Variants in PGR observed in about 807,000 individuals in gnomAD.
The protein encoded by PGR is progesterone receptor.
Under a neutral mutation model 76.1 loss-of-function variants are expected in PGR, and 25 were observed. That is an observed-to-expected ratio of 0.33 (90% confidence interval 0.24 to 0.46). The LOEUF (loss-of-function observed/expected upper bound fraction) is 0.46. PGR is among the 20% of genes least tolerant of loss of function. The probability of loss-of-function intolerance (pLI) is 1.00; values close to 1 mark genes in which losing one functional copy is unlikely to be tolerated. For synonymous variants in PGR, 579 were observed against 535.0 expected, an observed-to-expected ratio of 1.08 and a Z score of -1.14; for missense variants, 1,172 against 1,225.3, an observed-to-expected ratio of 0.96 and a Z score of 0.65.
At chr11:101,058,937 G>C (rs1475070666) in intron 4 of PGR, among the ~76,000 whole-genome samples, 1 of 152,124 alleles carries the variant, frequency 6.6e-6, no homozygotes, top group African/African-American at 2.4e-5. Flanking sequence ...CCGAGGGACT[G>C]TATGTACAAA....
chr11:101,095,826 A>AG (rs1046584877), intron 2 of PGR, among the ~76,000 whole-genome samples: 1 of 152,114 alleles, frequency 6.6e-6, no homozygotes, highest in African/African-American at 2.4e-5. Context: ...ATATAGTTAG[A>AG]TTTTTTCTAG....
chr11:101,033,161 C>T lies in PGR; in HGVS notation c.*5955G>A, dbSNP rs1046248446. The T allele has an allele frequency of 4.8e-6, 1 of 209,008 alleles. No homozygotes were observed. The highest frequency in any genetic ancestry group is 9.7e-6 in the Non-Finnish European group (1 of 102,712). 12.9% of individuals were successfully genotyped at this position (209,008 alleles called of 1,614,324 possible). ...AGAATACTAAGATCAAAAGGAGATACTTTACTGGCTAAAGTGAAGAATTCT... is the reference window on the plus strand; with the variant it reads ...AGAATACTAAGATCAAAAGGAGATATTTTACTGGCTAAAGTGAAGAATTCT... On this transcript the variant is annotated 3_prime_UTR_variant, in exon 8 of 8. Transcript: ENST00000325455.
At position 101,128,680 on chromosome 11, in the gene PGR, G is replaced by A. The variant is rs1335446824; in HGVS notation, c.391C>T (p.Pro131Ser). Residue 131 changes from proline to serine, a missense_variant, in exon 1 of 8, where the codon CCT becomes TCT. Physicochemically the swap from Pro to Ser is moderately conservative, Grantham distance 74. Transcript: ENST00000325455. ...PSGPGQSQPS[P>S]PACEVTSSWC... ...GAGCTGGTGACCTCGCAGGCGGGAG[G>A]GCTGGGTTGGCTCTGCCCGGGACCT... 2 of 1,600,380 alleles carry A rather than the reference G, an allele frequency of 1.2e-6. No individual in the cohort carries two copies. Among genetic ancestry groups the A allele is most frequent in the Non-Finnish European group, 1.7e-6 (2 of 1,174,374 alleles).
At chr11:101,070,494 G>A (rs1180386065) in intron 3 of PGR, among the ~76,000 whole-genome samples, 1 of 152,168 alleles carries the variant, frequency 6.6e-6, no homozygotes, top group African/African-American at 2.4e-5. Context: ...TCCCCTGGAA[G>A]GGGGGCTGAA....
intron 2 of PGR, among the ~76,000 whole-genome samples, chr11:101,094,632 A>C (rs780328469): frequency 6.6e-6 from 1 of 152,244 alleles, no homozygotes; most frequent in Non-Finnish European, 1.5e-5. Flanking sequence ...TATATACAAA[A>C]TACAACTAAG....
intron 2 of PGR, among the ~76,000 whole-genome samples, chr11:101,118,204 A>G (rs1862568361): frequency 6.6e-6 from 1 of 152,254 alleles, no homozygotes; most frequent in African/African-American, 2.4e-5. Flanking sequence ...CTAACTGAAC[A>G]AATCTTATCT....
intron 5 of PGR, chr11:101,051,068 T>G (rs1860071548): frequency 5.3e-6 from 1 of 188,120 alleles, no homozygotes; most frequent in Non-Finnish European, 1.1e-5. Flanking sequence ...CAGTCTAATT[T>G]GTCATGTATG....
chr11:101,093,941 T>C (rs924894629), intron 2 of PGR, among the ~76,000 whole-genome samples: 1 of 152,126 alleles, frequency 6.6e-6, no homozygotes, highest in Non-Finnish European at 1.5e-5. Flanking sequence ...TGGCCTACGA[T>C]ATCATCTCCT....
At chr11:101,060,847 G>A (rs1403715754) in intron 4 of PGR, among the ~76,000 whole-genome samples, 1 of 152,120 alleles carries the variant, frequency 6.6e-6, no homozygotes, top group African/African-American at 2.4e-5. Context: ...CAATGTAAGA[G>A]TTTTCTCTCA....
rs77310280 is a variant in PGR, at chr11:101,055,921, T to C, written c.2213-4353A>G. ...ACCAATATTTATAGCAGAAACTATA[T>C]TTCTGTTTGTTTGACAGAATGGAAT... On this transcript the variant is annotated intron_variant, in intron 4 of 7. Transcript: ENST00000325455. Among the ~76,000 whole-genome samples the C allele has an allele frequency of 8.2e-3, 1,247 of 152,362 alleles. 11 individuals are homozygous for C. The highest frequency in any genetic ancestry group is 0.029 in the African/African-American group (1,213 of 41,594).
At chr11:101,097,665 C>A (rs866054667) in intron 2 of PGR, among the ~76,000 whole-genome samples, 21 of 152,018 alleles carry the variant, frequency 1.4e-4, no homozygotes, top group East Asian at 1.9e-4. Context: ...TTTTTTACCA[C>A]CTTTTAACTT....
Position 101,128,017 on chromosome 11 carries a change from G to A in PGR, c.1054C>T (p.Pro352Ser). Reference protein sequence around the residue: ...PRSSPCASSTPVAVGDFPDCA... With the variant: ...PRSSPCASSTSVAVGDFPDCA... The stretch of plus-strand genomic sequence containing the variant: ...TCGGGGAAGTCGCCTACAGCGACCG[G>A]GGTGGACGAGGCACAGGGTGAACTC... Residue 352 changes from proline to serine, a missense_variant, in exon 1 of 8, where the codon CCG becomes TCG. Transcript: ENST00000325455. 1.2e-6 allele frequency: 2 copies of A among 1,609,496 alleles called. No individual in the cohort carries two copies. The highest frequency in any genetic ancestry group is 1.7e-6 in the Non-Finnish European group (2 of 1,179,838).
chr11:101,106,521 T>C (rs951296920), intron 2 of PGR, among the ~76,000 whole-genome samples: 3 of 152,068 alleles, frequency 2.0e-5, no homozygotes, highest in Non-Finnish European at 4.4e-5. Context: ...TAAGATACCA[T>C]CTCATGGCAG....
Position 101,128,569 on chromosome 11 carries a change from ACCGGCTCATGAGCGGGGACAACAC to A in PGR, c.478_501del (p.Val160_Arg167del), listed in dbSNP as rs1265944996. On this transcript the variant is annotated inframe_deletion, in exon 1 of 8. Transcript: ENST00000325455. Reference sequence around the variant, plus strand: ...GAGCTGTCTCCAACCTTGCACCCGGACCGGCTCATGAGCGGGGACAACACCCGCTGGGTGGCGGGGGCAGCCGGT... The same window carrying A: ...GAGCTGTCTCCAACCTTGCACCCGGACCGCTGGGTGGCGGGGGCAGCCGGT... The A allele has an allele frequency of 6.3e-7, 1 of 1,598,154 alleles. No homozygotes were observed. The highest frequency in any genetic ancestry group is 8.5e-7 in the Non-Finnish European group (1 of 1,175,254).
chr11:101,062,574 T>C lies in PGR; in HGVS notation c.2085A>G (p.Glu695=). 1.2e-6 allele frequency: 2 copies of C among 1,614,072 alleles called. No individual in the cohort carries two copies. Among genetic ancestry groups the C allele is most frequent in the Non-Finnish European group, 1.7e-6 (2 of 1,179,944 alleles). The change falls in exon 4 of 8, where the codon GAA becomes GAG. Residue 695 remains glutamate, a synonymous_variant. Coordinates refer to ENST00000325455, the MANE Select transcript of PGR (RefSeq NM_000926.4). ...CATGTCCTGCATAGATCACATCTGG[T>C]TCAATGCTCATTAACAGGTTGATCA... The part of the protein sequence containing the change: ...PPLINLLMSI[E]PDVIYAGHDN...
Position 101,091,780 on chromosome 11 carries a change from TG to T in PGR, c.1885del (p.Gln629ArgfsTer20). ...ATTACCTCCAAGGACCATGCCAGCC[TG>T]ACAGCACTTTCTAAGGCGACATGCT... is the stretch of plus-strand genomic sequence containing the variant. Reference protein sequence around the residue: ...CPACRLRKCCQAGMVLGGRKF... With the variant: ...CPACRLRKCCXAGMVLGGRKF... On this transcript the variant is annotated frameshift_variant, in exon 3 of 8. Coordinates refer to ENST00000325455, the MANE Select transcript of PGR (RefSeq NM_000926.4). LOFTEE classifies it high-confidence loss of function. The T allele has an allele frequency of 6.3e-7, 1 of 1,581,944 alleles. No individual in the cohort carries two copies. Among genetic ancestry groups the T allele is most frequent in the Non-Finnish European group, 8.7e-7 (1 of 1,150,590 alleles).
rs765920417 is a variant in PGR at position 101,037,849 on chromosome 11, C to G, written c.*1267G>C. 3 of 221,310 alleles carry G rather than the reference C, an allele frequency of 1.4e-5. No individual in the cohort carries two copies. Among genetic ancestry groups the G allele is most frequent in the South Asian group, 3.7e-4 (2 of 5,440 alleles). The allele number at this position is 221,310 out of a possible 1,614,324, so 13.7% of individuals were successfully genotyped here. A position where few individuals can be genotyped will look rare whatever the true frequency, so the allele number is the denominator to read the frequency against. On this transcript the variant is annotated 3_prime_UTR_variant, in exon 8 of 8. Coordinates refer to ENST00000325455, the MANE Select transcript of PGR (RefSeq NM_000926.4). The stretch of plus-strand genomic sequence containing the variant: ...AAAATGTCATTCAACTCTCAGTCAG[C>G]AAACACTATTGACCACTTTATATGG...
chr11:101,055,138 G>A (rs1295891158), intron 4 of PGR, among the ~76,000 whole-genome samples: 1 of 151,852 alleles, frequency 6.6e-6, no homozygotes, highest in Non-Finnish European at 1.5e-5. Flanking sequence ...AAATGGGCTG[G>A]GCGCAGTGGC....
chr11:101,049,947 A>G lies in PGR; in HGVS notation c.2470T>C (p.Leu824=). The G allele has an allele frequency of 6.2e-7, 1 of 1,612,044 alleles. No individual in the cohort carries two copies. Among genetic ancestry groups the G allele is most frequent in the Non-Finnish European group, 8.5e-7 (1 of 1,178,598 alleles). ...SQEEFLCMKV[L]LLLNTIPLEG... is the part of the protein sequence containing the mutation. ...CACTCACTTGTATTAAGAAGTAACA[A>G]TACTTTCATACAGAGGAACTCTTCT... Residue 824 remains leucine, a synonymous_variant, in exon 6 of 8, where the codon TTG becomes CTG. Transcript: ENST00000325455.
Sources: allele counts gnomAD v4.1 joint callset (sites outside exome capture counted in the v4.1 genomes callset), GRCh38; gene constraint gnomAD v4.1.1; transcripts MANE v1.5; gene names NCBI Gene and HGNC (gene_info 2026-07-23, HGNC 2026-07-21).